Variants in PCDHGA1 observed in about 807,000 individuals in gnomAD.
PCDHGA1 encodes protocadherin gamma-A1.
In PCDHGA1, 32 loss-of-function variants were observed where a neutral mutation model predicts 58.0. The observed-to-expected ratio is 0.55, with a 90% CI of 0.42 to 0.74. The LOEUF (loss-of-function observed/expected upper bound fraction) is 0.74, where lower values mean the gene tolerates loss of function less well. Among genes scored for constraint, PCDHGA1 ranks in the 30% least tolerant of loss-of-function variants. The pLI, the probability that PCDHGA1 is intolerant of heterozygous loss-of-function variation, is 0.00. For missense variants in PCDHGA1, 1,205 were observed against 1,182.3 expected (o/e 1.02, Z -0.28); for synonymous variants, 498 against 501.1 (o/e 0.99, Z 0.08).
At chr5:141,365,408 T>G in intron 1 of PCDHGA1, 1 of 1,614,004 alleles carries the variant, frequency 6.2e-7, no homozygotes. Flanking sequence ...CTCTGAAGAC[T>G]GTCTTCCCGG....
In PCDHGA1 at chr5:141,477,880, C is replaced by T. The variant is rs763789849; in HGVS notation, c.2422-16927C>T. 10 of 1,614,058 alleles carry T rather than the reference C, an allele frequency of 6.2e-6. No homozygotes were observed. The African/African-American group carries it at 1.2e-4, about 19-fold the overall frequency. ...TGCCTCGAGGTACCTCAGCTGGCCA[C>T]CTAGTGTCACGGGTGGTAGGCTGGG... is the stretch of plus-strand genomic sequence containing the variant. On this transcript the variant is annotated intron_variant, in intron 1 of 3. Transcript: ENST00000517417. The surrounding 1 kb of genome is among the most constrained non-coding windows in gnomAD (Gnocchi z 4.9).
At chr5:141,352,388 C>T (rs1021854619) in intron 1 of PCDHGA1, 2 of 1,614,058 alleles carry the variant, frequency 1.2e-6, no homozygotes, top group Non-Finnish European at 1.7e-6. Flanking sequence ...GATCGCCCTG[C>T]GCCTGCGACG....
Position 141,476,208 on chromosome 5 carries a change from C to T in PCDHGA1, c.2422-18599C>T, listed in dbSNP as rs1266601125. The T allele has an allele frequency of 6.2e-7, 1 of 1,613,794 alleles. No homozygotes were observed. ...CTTGGTGCCTTGAACAAGGCTTCCA[C>T]GGTCATTCACTATGAGATCCCGGAG... On this transcript the variant is annotated intron_variant, in intron 1 of 3. Coordinates refer to ENST00000517417, the MANE Select transcript of PCDHGA1 (RefSeq NM_018912.3). The surrounding 1 kb of genome is among the most constrained non-coding windows in gnomAD (Gnocchi z 7.6).
intron 1 of PCDHGA1, among the ~76,000 whole-genome samples, chr5:141,358,752 C>T (rs1761009011): frequency 6.6e-6 from 1 of 152,170 alleles, no homozygotes. Context: ...TTTCTCTTGT[C>T]ATCATGTGAG....
chr5:141,388,791 A>C (rs1247299397), intron 1 of PCDHGA1: 1 of 1,613,810 alleles, frequency 6.2e-7, no homozygotes, highest in Admixed American at 1.7e-5. Flanking sequence ...TACTGTTTTA[A>C]ATACATTAGA....
intron 1 of PCDHGA1, among the ~76,000 whole-genome samples, chr5:141,352,907 G>T (rs1759141037): frequency 6.6e-6 from 1 of 152,226 alleles, no homozygotes; most frequent in Non-Finnish European, 1.5e-5. Context: ...AGGATCGCTT[G>T]AGCCCGGGAG....
chr5:141,376,602 A>C, intron 1 of PCDHGA1: 1 of 1,521,112 alleles, frequency 6.6e-7, no homozygotes, highest in Non-Finnish European at 8.9e-7. Context: ...CTGTTATAGA[A>C]GCGAACCTCT....
At chr5:141,473,470 A>G (rs555568617) in intron 1 of PCDHGA1, among the ~76,000 whole-genome samples, 2 of 151,816 alleles carry the variant, frequency 1.3e-5, no homozygotes, top group South Asian at 4.2e-4. Flanking sequence ...AGTTGTGCCA[A>G]GTTCAATGGA....
chr5:141,430,953 G>A (rs2097330054), intron 1 of PCDHGA1: 1 of 1,611,124 alleles, frequency 6.2e-7, no homozygotes, highest in African/African-American at 1.3e-5. Context: ...CGCGGAGTCC[G>A]CATCATCCCC....
intron 1 of PCDHGA1, chr5:141,379,115 T>C (rs1775378962): frequency 6.6e-6 from 1 of 152,230 alleles, no homozygotes; most frequent in African/African-American, 2.4e-5. Context: ...ATTGAGAAGA[T>C]ACCTTGAAAA....
chr5:141,397,359 A>T (rs372780097), intron 1 of PCDHGA1, among the ~76,000 whole-genome samples: 10 of 152,226 alleles, frequency 6.6e-5, no homozygotes, highest in African/African-American at 2.4e-4. Flanking sequence ...AGTCAGGAAG[A>T]GGAGATGTTT....
At position 141,491,960 on chromosome 5, in the gene PCDHGA1, A is replaced by T. The variant is rs1380758016; in HGVS notation, c.2422-2847A>T. The T allele has an allele frequency of 1.0e-6, 1 of 984,842 alleles. No individual in the cohort carries two copies. The highest frequency in any genetic ancestry group is 3.0e-5 in the East Asian group (1 of 33,312). 61.0% of individuals were successfully genotyped at this position (984,842 alleles called of 1,614,324 possible). A position where few individuals can be genotyped will look rare whatever the true frequency, so the allele number is the denominator to read the frequency against. On this transcript the variant is annotated intron_variant, in intron 1 of 3. Coordinates refer to ENST00000517417, the MANE Select transcript of PCDHGA1 (RefSeq NM_018912.3). The surrounding 1 kb of genome is among the most constrained non-coding windows in gnomAD (Gnocchi z 6.9). ...CGACCCCCACCCCTACACTCAAAAA[A>T]GGCCGGGGCCTCCTTCGAGCTTCCG...
chr5:141,331,246 G>A lies in PCDHGA1; in HGVS notation c.562G>A (p.Gly188Arg). ...CCTGGATGTGCAACAGGGAGCCGAT[G>A]GGCCTCAACATCCAGAGATGGTGCT... Reference protein sequence around the residue: ...FSLDVQQGADGPQHPEMVLQS... With the variant: ...FSLDVQQGADRPQHPEMVLQS... The change falls in exon 1 of 4, where the codon GGG becomes AGG. Residue 188 changes from glycine to arginine, a missense_variant. By Grantham distance (125) the Gly-to-Arg change is moderately radical. Transcript: ENST00000517417. 3 of 1,614,044 alleles carry A rather than the reference G, an allele frequency of 1.9e-6. No homozygotes were observed. Among genetic ancestry groups the A allele is most frequent in the Non-Finnish European group, 2.5e-6 (3 of 1,179,996 alleles).
intron 1 of PCDHGA1, chr5:141,340,461 AG>A: frequency 1.9e-6 from 3 of 1,614,190 alleles, no homozygotes; most frequent in Non-Finnish European, 1.7e-6. Flanking sequence ...GACACTGTTC[AG>A]GGGGCACCCT....
intron 2 of PCDHGA1, among the ~76,000 whole-genome samples, chr5:141,499,149 A>G (rs1215155217): frequency 6.6e-6 from 1 of 152,084 alleles, no homozygotes; most frequent in African/African-American, 2.4e-5. Context: ...TCTGATCCCA[A>G]TAGCTGTTGT....
At position 141,362,194 on chromosome 5, in the gene PCDHGA1, A is replaced by G. The variant is rs57735633; in HGVS notation, c.2421+29089A>G. Reference sequence around the variant, plus strand: ...CCGGGAGCCCTCTGACCCCCAGGCAAAACTGCAGTTTTACCTGGTTGTGGC... The same window carrying G: ...CCGGGAGCCCTCTGACCCCCAGGCAGAACTGCAGTTTTACCTGGTTGTGGC... On this transcript the variant is annotated intron_variant, in intron 1 of 3. Transcript: ENST00000517417. 152,892 of 1,613,780 alleles carry G rather than the reference A, an allele frequency of 0.095. 8,939 individuals are homozygous for G. Among genetic ancestry groups the G allele is most frequent in the African/African-American group, 0.29 (21,446 of 74,936 alleles).
At chr5:141,435,644 T>A (rs913195454) in intron 1 of PCDHGA1, among the ~76,000 whole-genome samples, 1 of 152,170 alleles carries the variant, frequency 6.6e-6, no homozygotes, top group Non-Finnish European at 1.5e-5. Flanking sequence ...TGGGAAAATT[T>A]CTGAAACGTG....
intron 1 of PCDHGA1, chr5:141,389,331 G>C (rs1212558688): frequency 6.2e-7 from 1 of 1,613,868 alleles, no homozygotes; most frequent in Non-Finnish European, 8.5e-7. Flanking sequence ...GGGGCCCAAC[G>C]GCCAAGTCTC....
At chr5:141,420,391 G>C in intron 1 of PCDHGA1, 1 of 1,270,636 alleles carries the variant, frequency 7.9e-7, no homozygotes, top group Non-Finnish European at 1.0e-6. Flanking sequence ...GCAAAATATA[G>C]GTCAAATTTA....
Sources: gnomAD v4.1 joint callset for allele counts (sites outside exome capture counted in the v4.1 genomes callset) on GRCh38, gnomAD v4.1.1 for gene constraint, Gnocchi (gnomAD v3.1) non-coding constraint, MANE v1.5 for transcripts, NCBI Gene and HGNC (gene_info 2026-07-23, HGNC 2026-07-21) for gene names.